Variants in ZCWPW2 observed in about 807,000 individuals in gnomAD.
The protein encoded by ZCWPW2 is zinc finger CW-type PWWP domain protein 2.
ZCWPW2 carries 45 observed loss-of-function variants against 46.6 expected under a neutral mutation model. The observed-to-expected ratio is 0.96, with a 90% confidence interval of 0.76 to 1.24. ZCWPW2 has a LOEUF of 1.24. ZCWPW2 is among the 50% of genes most tolerant of loss of function. The pLI, the probability that ZCWPW2 is intolerant of heterozygous loss-of-function variation, is 0.00. For missense variants in ZCWPW2, 429 were observed against 403.9 expected, an observed-to-expected ratio of 1.06 and a Z score of -0.53; for synonymous variants, 152 against 137.1, an observed-to-expected ratio of 1.11 and a Z score of -0.76.
intron 6 of ZCWPW2, among the ~76,000 whole-genome samples, chr3:28,511,554 C>G (rs1700425954): frequency 6.6e-6 from 1 of 152,038 alleles, no homozygotes; most frequent in South Asian, 2.1e-4. Flanking sequence ...TATTTCTCTT[C>G]TTTTGGTGAT....
intron 1 of ZCWPW2, among the ~76,000 whole-genome samples, chr3:28,353,378 ATATAT>A (rs1322311468): frequency 6.6e-6 from 1 of 152,170 alleles, no homozygotes; most frequent in Non-Finnish European, 1.5e-5. Flanking sequence ...AAACACTAAA[ATATAT>A]TATGTTGGGA....
chr3:28,402,618 C>T (rs753164986), intron 2 of ZCWPW2, among the ~76,000 whole-genome samples: 30 of 152,190 alleles, frequency 2.0e-4, no homozygotes, highest in African/African-American at 6.0e-4. Flanking sequence ...AACTACAGAC[C>T]GATATTCGTG....
intron 3 of ZCWPW2, among the ~76,000 whole-genome samples, chr3:28,417,690 G>A (rs1383407656): frequency 8.1e-6 from 1 of 122,762 alleles, no homozygotes; most frequent in Admixed American, 9.0e-5. Flanking sequence ...CTTCATCCCT[G>A]GGATGCAAGG....
chr3:28,449,783 A>AT (rs1698151993), intron 4 of ZCWPW2, among the ~76,000 whole-genome samples: 1 of 152,130 alleles, frequency 6.6e-6, no homozygotes, highest in Admixed American at 6.6e-5. Flanking sequence ...CTGCAGGGCT[A>AT]TTTTTTTAAG....
chr3:28,389,958 A>G (rs1695421252), intron 1 of ZCWPW2, among the ~76,000 whole-genome samples: 1 of 152,368 alleles, frequency 6.6e-6, no homozygotes, highest in East Asian at 1.9e-4. Flanking sequence ...CTCAAAGTTC[A>G]TCAATTTTAG....
At chr3:28,498,511 A>G (rs1395805532) in intron 6 of ZCWPW2, among the ~76,000 whole-genome samples, 2 of 152,038 alleles carry the variant, frequency 1.3e-5, no homozygotes, top group African/African-American at 2.4e-5. Flanking sequence ...CTATATTATA[A>G]TAGGTGGTTA....
intron 6 of ZCWPW2, among the ~76,000 whole-genome samples, chr3:28,497,949 G>A (rs1700039407): frequency 6.6e-6 from 1 of 152,010 alleles, no homozygotes; most frequent in Admixed American, 6.6e-5. Flanking sequence ...AGTTCCACTT[G>A]ATAAAAAGGA....
At position 28,524,851 on chromosome 3, in the gene ZCWPW2, G is replaced by C; in HGVS notation, c.*163G>C. 3 of 529,058 alleles carry C rather than the reference G, an allele frequency of 5.7e-6. No homozygotes were observed. The highest frequency in any genetic ancestry group is 5.7e-6 in the Non-Finnish European group (2 of 352,022). 32.8% of individuals were successfully genotyped at this position (529,058 alleles called of 1,614,324 possible). A position where few individuals can be genotyped will look rare whatever the true frequency, so the allele number is the denominator to read the frequency against. On this transcript the variant is annotated 3_prime_UTR_variant, in exon 10 of 10. Transcript: ENST00000383768. ...ATTTTGAGAATGGCCATGATTTTTAGAGCCAGTCAAATGGTATTTAAGTTA... is the reference window on the plus strand; with the variant it reads ...ATTTTGAGAATGGCCATGATTTTTACAGCCAGTCAAATGGTATTTAAGTTA...
At chr3:28,431,044 A>G (rs1207181331) in intron 3 of ZCWPW2, among the ~76,000 whole-genome samples, 1 of 152,180 alleles carries the variant, frequency 6.6e-6, no homozygotes, top group Admixed American at 6.5e-5. Context: ...TATAACTTTG[A>G]TATCAATTGA....
intron 4 of ZCWPW2, among the ~76,000 whole-genome samples, chr3:28,471,800 A>C (rs1383858987): frequency 6.6e-6 from 1 of 152,208 alleles, no homozygotes; most frequent in African/African-American, 2.4e-5. Context: ...CCTTGTTTGC[A>C]GGTGATATCA....
intron 6 of ZCWPW2, among the ~76,000 whole-genome samples, chr3:28,512,736 G>C (rs1333043832): frequency 6.6e-6 from 1 of 151,490 alleles, no homozygotes; most frequent in Non-Finnish European, 1.5e-5. Flanking sequence ...TTCATCCATT[G>C]AATTTTAAAT....
chr3:28,385,150 C>T (rs1027778041), intron 1 of ZCWPW2, among the ~76,000 whole-genome samples: 1 of 152,080 alleles, frequency 6.6e-6, no homozygotes, highest in African/African-American at 2.4e-5. Flanking sequence ...TGTGGCATGT[C>T]GTGAAAACAA....
At chr3:28,455,841 A>G (rs1407477565) in intron 4 of ZCWPW2, among the ~76,000 whole-genome samples, 2 of 152,046 alleles carry the variant, frequency 1.3e-5, no homozygotes, top group Admixed American at 6.6e-5. Context: ...TCATTGGTCT[A>G]TGTGTCTGTT....
At position 28,348,830 on chromosome 3, in the gene ZCWPW2, A is replaced by G; in HGVS notation, c.-507A>G. 3 of 461,082 alleles carry G rather than the reference A, an allele frequency of 6.5e-6. No individual in the cohort carries two copies. Among genetic ancestry groups the G allele is most frequent in the Non-Finnish European group, 8.6e-6 (3 of 350,428 alleles). 28.6% of individuals were successfully genotyped at this position (461,082 alleles called of 1,614,324 possible). On this transcript the variant is annotated 5_prime_UTR_variant, in exon 1 of 10. Transcript: ENST00000383768. ...CCGGGACGTTCTGGAAGGAGGGACGAGCCGAGGCAGGAGGGGCCGGGCCGA... is the reference window on the plus strand; with the variant it reads ...CCGGGACGTTCTGGAAGGAGGGACGGGCCGAGGCAGGAGGGGCCGGGCCGA...
In ZCWPW2 at chr3:28,350,621, C is replaced by T. The variant is rs554833124; in HGVS notation, c.-134+1418C>T. Among the ~76,000 whole-genome samples the T allele has an allele frequency of 5.7e-4, 87 of 151,924 alleles. 1 individual carries two copies. The highest frequency in any genetic ancestry group is 2.0e-3 in the African/African-American group (81 of 41,340). ...TGCTAGATTATGACAAAATATAATCCGTATAGTCATTGGATTTAGCTGCAA... is the reference window on the plus strand; with the variant it reads ...TGCTAGATTATGACAAAATATAATCTGTATAGTCATTGGATTTAGCTGCAA... On this transcript the variant is annotated intron_variant, in intron 1 of 9. Coordinates refer to ENST00000383768, the MANE Select transcript of ZCWPW2 (RefSeq NM_001040432.4).
intron 1 of ZCWPW2, among the ~76,000 whole-genome samples, chr3:28,376,146 T>G (rs1705494406): frequency 6.6e-6 from 1 of 152,110 alleles, no homozygotes; most frequent in Non-Finnish European, 1.5e-5. Flanking sequence ...TCCTTTCTTT[T>G]GGGTATATAC....
intron 3 of ZCWPW2, among the ~76,000 whole-genome samples, chr3:28,429,767 C>T (rs1460606662): frequency 6.6e-6 from 1 of 152,128 alleles, no homozygotes; most frequent in African/African-American, 2.4e-5. Flanking sequence ...TGTGTCCCAG[C>T]CATGGCTAAA....
intron 1 of ZCWPW2, among the ~76,000 whole-genome samples, chr3:28,362,548 G>A (rs1413893897): frequency 1.3e-5 from 2 of 152,068 alleles, no homozygotes; most frequent in African/African-American, 4.8e-5. Flanking sequence ...AGTCAGAATG[G>A]CTATCACTAA....
intron 6 of ZCWPW2, among the ~76,000 whole-genome samples, chr3:28,497,041 ATTATATAATACATTAT>A (rs1559529596): frequency 6.7e-6 from 1 of 149,828 alleles, no homozygotes; most frequent in Non-Finnish European, 1.5e-5. Context: ...ATTTATATAC[ATTATATAATACATTAT>A]TTATATAATA....
Sources: gnomAD v4.1 joint callset for allele counts (sites outside exome capture counted in the v4.1 genomes callset) on GRCh38, gnomAD v4.1.1 for gene constraint, MANE v1.5 for transcripts, NCBI Gene and HGNC (gene_info 2026-07-23, HGNC 2026-07-21) for gene names.